KLHL12: variants seen among roughly 807,000 people sequenced by gnomAD.
The protein encoded by KLHL12 is kelch-like protein 12.
KLHL12 carries 17 observed loss-of-function variants against 60.8 expected under a neutral mutation model. That is an observed-to-expected ratio of 0.28 (90% CI 0.19 to 0.42). The LOEUF is 0.42. Ranked by LOEUF, KLHL12 falls within the 10% of genes least tolerant of loss-of-function variation. KLHL12 has a pLI of 1.00. For synonymous variants in KLHL12, 220 were observed against 250.9 expected (o/e 0.88, Z 1.16); for missense variants, 468 against 722.3 (o/e 0.65, Z 4.04).
At chr1:202,897,853 A>C (rs1202249732) in intron 6 of KLHL12, among the ~76,000 whole-genome samples, 1 of 151,996 alleles carries the variant, frequency 6.6e-6, no homozygotes, top group Non-Finnish European at 1.5e-5. Flanking sequence ...TACAGGAATG[A>C]GTCACTGTGC....
intron 3 of KLHL12, among the ~76,000 whole-genome samples, chr1:202,918,705 C>A (rs1378745031): frequency 6.6e-6 from 1 of 152,142 alleles, no homozygotes; most frequent in African/African-American, 2.4e-5. Context: ...AACTATAAAA[C>A]CAATTGCGAA....
chr1:202,928,478 T>C (rs1653731074), upstream of KLHL12: 1 of 1,300,492 alleles, frequency 7.7e-7, no homozygotes, highest in South Asian at 1.2e-5. Context: ...AAGTATGTTT[T>C]ACCTTCCAGG....
Position 202,895,319 on chromosome 1 carries a change from G to C in KLHL12, c.1135+203C>G, listed in dbSNP as rs951717857. The stretch of plus-strand genomic sequence containing the variant: ...GAGGTGGGAGGATCGCTTGAGCTTG[G>C]GGAGGTTGAGGCTGCAGTGAGCCGT... On this transcript the variant is annotated intron_variant, in intron 8 of 11. Transcript: ENST00000367261. This position sits in a 1 kb window ranked among gnomAD's most constrained non-coding sequence, Gnocchi z 4.2. 2.6e-5 allele frequency among the ~76,000 whole-genome samples: 4 copies of C among 152,120 alleles called. No individual in the cohort carries two copies. The highest frequency in any genetic ancestry group is 6.5e-5 in the Admixed American group (1 of 15,282).
At chr1:202,914,864 TA>T (rs547996937) in intron 4 of KLHL12, 35,041 of 109,814 alleles carry the variant, frequency 0.32, 4,748 homozygotes, top group East Asian at 0.55. Context: ...AAACTCCGTC[TA>T]AAAAAAAAAA....
rs757301002 is a variant in KLHL12 at position 202,896,884 on chromosome 1, G to A, written c.909C>T (p.Asp303=). 1 of 1,614,010 alleles carries A rather than the reference G, an allele frequency of 6.2e-7. No individual in the cohort carries two copies. Among genetic ancestry groups the A allele is most frequent in the South Asian group, 1.1e-5 (1 of 91,078 alleles). Residue 303 remains aspartate, a synonymous_variant, in exon 7 of 12, where the codon GAC becomes GAT. Coordinates refer to ENST00000367261, the MANE Select transcript of KLHL12 (RefSeq NM_021633.4). ...QSPIDVVEKY[D]PKTQEWSFLP... ...AAAAGCTCCACTCCTGAGTCTTGGG[G>A]TCATATTTCTCTACCACATCAATGG...
intron 4 of KLHL12, chr1:202,912,270 T>G: frequency 2.0e-6 from 2 of 1,004,412 alleles, no homozygotes; most frequent in East Asian, 4.7e-5. Flanking sequence ...CTTTGTAACC[T>G]TTGATGACCA....
rs766887247 is a variant in KLHL12, at chr1:202,895,460, G to C, written c.1135+62C>G. ...CATGCTCCTGCCAGACAACAGGAGAGGTTAAAAACCCTGGTCCAGCCACAG... is the reference window on the plus strand; with the variant it reads ...CATGCTCCTGCCAGACAACAGGAGACGTTAAAAACCCTGGTCCAGCCACAG... On this transcript the variant is annotated intron_variant, in intron 8 of 11. Transcript: ENST00000367261. The surrounding 1 kb of genome is among the most constrained non-coding windows in gnomAD (Gnocchi z 4.2). 2.3e-5 allele frequency: 32 copies of C among 1,421,376 alleles called. No homozygotes were observed. Among genetic ancestry groups the C allele is most frequent in the Non-Finnish European group, 3.0e-5 (31 of 1,029,842 alleles). 88.0% of individuals were successfully genotyped at this position (1,421,376 alleles called of 1,614,324 possible). A position where few individuals can be genotyped will look rare whatever the true frequency, so the allele number is the denominator to read the frequency against.
chr1:202,903,649 G>A (rs960002351), intron 6 of KLHL12, among the ~76,000 whole-genome samples: 33 of 12,698 alleles, frequency 2.6e-3, no homozygotes, highest in Non-Finnish European at 6.4e-3. Flanking sequence ...TTGAAACGGC[G>A]TCTTGCTCTG....
At chr1:202,901,746 A>C (rs889523076) in intron 6 of KLHL12, among the ~76,000 whole-genome samples, 19 of 152,222 alleles carry the variant, frequency 1.2e-4, no homozygotes, top group Admixed American at 3.3e-4. Flanking sequence ...TTAAGTAATT[A>C]ACTTCCCCGC....
At chr1:202,904,654 A>G (rs1360878245) in intron 6 of KLHL12, among the ~76,000 whole-genome samples, 2 of 152,236 alleles carry the variant, frequency 1.3e-5, no homozygotes, top group Non-Finnish European at 2.9e-5. Context: ...GAACAGTGTG[A>G]AAAAGCACAT....
rs1659763410 is a variant in KLHL12, at chr1:202,894,267, A to G, written c.1310T>C (p.Leu437Ser). ...TTTCTCAACTGAATTTAAGATATTCAAGCCGTCATATCCTCCTGGAAGACA... is the reference window on the plus strand; with the variant it reads ...TTTCTCAACTGAATTTAAGATATTCGAGCCGTCATATCCTCCTGGAAGACA... ...VIYCLGGYDGLNILNSVEKYD... is the reference protein window; with the variant it reads ...VIYCLGGYDGSNILNSVEKYD... The change falls in exon 10 of 12, where the codon TTG (leucine) becomes TCG (serine). Residue 437 changes from leucine to serine, a missense_variant. By Grantham distance (145) the Leu-to-Ser change is moderately radical (BLOSUM62 -2). Transcript: ENST00000367261. 1 of 1,553,614 alleles carries G rather than the reference A, an allele frequency of 6.4e-7. No individual in the cohort carries two copies. Among genetic ancestry groups the G allele is most frequent in the African/African-American group, 1.4e-5 (1 of 73,518 alleles).
In KLHL12 at chr1:202,920,521, C is replaced by A. The variant is rs559347686; in HGVS notation, c.196-613G>T. ...CCTCCCGAGTAGTTTGGACTACAGG[C>A]GCCCGCCACCACGCCCGGCTAATTT... On this transcript the variant is annotated intron_variant, in intron 2 of 11. Transcript: ENST00000367261. Among the ~76,000 whole-genome samples the A allele has an allele frequency of 2.4e-3, 357 of 151,144 alleles. 2 individuals carry two copies. The highest frequency in any genetic ancestry group is 4.6e-3 in the Admixed American group (70 of 15,188).
Position 202,893,808 on chromosome 1 carries a change from G to T in KLHL12, c.1393+376C>A, listed in dbSNP as rs1477851811. On this transcript the variant is annotated intron_variant, in intron 10 of 11. Coordinates refer to ENST00000367261, the MANE Select transcript of KLHL12 (RefSeq NM_021633.4). The surrounding 1 kb of genome is among the most constrained non-coding windows in gnomAD (Gnocchi z 4.1). The stretch of plus-strand genomic sequence containing the variant: ...AGTAAGTAAACTAGAACAGCACAGT[G>T]CTCTCTCCTTTTCTATATCCCAGCC... Among the ~76,000 whole-genome samples the T allele has an allele frequency of 6.6e-6, 1 of 152,166 alleles. No individual in the cohort carries two copies. The highest frequency in any genetic ancestry group is 2.4e-5 in the African/African-American group (1 of 41,428).
chr1:202,893,970 G>A lies in KLHL12; in HGVS notation c.1393+214C>T, dbSNP rs1171284110. Among the ~76,000 whole-genome samples the A allele has an allele frequency of 6.6e-6, 1 of 152,172 alleles. No individual in the cohort carries two copies. The highest frequency in any genetic ancestry group is 6.5e-5 in the Admixed American group (1 of 15,280). On this transcript the variant is annotated intron_variant, in intron 10 of 11. Coordinates refer to ENST00000367261, the MANE Select transcript of KLHL12 (RefSeq NM_021633.4). This position sits in a 1 kb window ranked among gnomAD's most constrained non-coding sequence, Gnocchi z 4.1. ...TGTACTAGATATTCTAAAACGTAGG[G>A]AGAGAACAAAGACATGAAGGCTTTT...
At chr1:202,917,357 G>A (rs1660554212) in intron 4 of KLHL12, among the ~76,000 whole-genome samples, 2 of 152,164 alleles carry the variant, frequency 1.3e-5, no homozygotes, top group African/African-American at 4.8e-5. Flanking sequence ...TGGGACCACA[G>A]GTGCTCACCA....
chr1:202,927,396 G>C (rs774997173), upstream of KLHL12: 31 of 455,054 alleles, frequency 6.8e-5, no homozygotes, highest in Non-Finnish European at 8.7e-5. Context: ...CAAAAAGGTC[G>C]GGTGGGCAGG....
intron 6 of KLHL12, among the ~76,000 whole-genome samples, chr1:202,906,646 A>G (rs1660200894): frequency 6.6e-6 from 1 of 151,880 alleles, no homozygotes; most frequent in Admixed American, 6.6e-5. Flanking sequence ...ATTTTATGCT[A>G]AATATATTTT....
At position 202,891,155 on chromosome 1, in the gene KLHL12, A is replaced by T. The variant is rs2102401146; in HGVS notation, c.*1378T>A. 1 of 152,576 alleles carries T rather than the reference A, an allele frequency of 6.6e-6. No homozygotes were observed. Among genetic ancestry groups the T allele is most frequent in the South Asian group, 2.1e-4 (1 of 4,832 alleles). The allele number at this position is 152,576 out of a possible 1,614,324, so 9.5% of individuals were successfully genotyped here. A position where few individuals can be genotyped will look rare whatever the true frequency, so the allele number is the denominator to read the frequency against. On this transcript the variant is annotated 3_prime_UTR_variant, in exon 12 of 12. Transcript: ENST00000367261. Reference sequence around the variant, plus strand: ...TTGATTTTTAATATTTTCTTAAAAAAATACAAAGGAAATTAACTCTGTAGG... The same window carrying T: ...TTGATTTTTAATATTTTCTTAAAAATATACAAAGGAAATTAACTCTGTAGG...
intron 2 of KLHL12, among the ~76,000 whole-genome samples, chr1:202,922,231 A>G (rs969474429): frequency 6.6e-6 from 1 of 152,114 alleles, no homozygotes; most frequent in Non-Finnish European, 1.5e-5. Context: ...TGATTCTCAC[A>G]GCAACCTGGT....
Sources: gnomAD v4.1 joint callset for allele counts (sites outside exome capture counted in the v4.1 genomes callset) on GRCh38, gnomAD v4.1.1 for gene constraint, Gnocchi (gnomAD v3.1) non-coding constraint, MANE v1.5 for transcripts, NCBI Gene and HGNC (gene_info 2026-07-23, HGNC 2026-07-21) for gene names.